SMYD3: variants seen among roughly 807,000 people sequenced by gnomAD.
SMYD3 encodes the protein SET and MYND domain containing 3, also known as histone-lysine N-methyltransferase SMYD3.
SMYD3 carries 36 observed loss-of-function variants against 57.7 expected under a neutral mutation model. The observed-to-expected ratio is 0.62, with a 90% CI of 0.48 to 0.82. The LOEUF (loss-of-function observed/expected upper bound fraction) is 0.82, where lower values mean the gene tolerates loss of function less well. Ranked by LOEUF, SMYD3 falls within the 40% of genes least tolerant of loss-of-function variation. The pLI is 0.00. For missense variants in SMYD3, 515 were observed against 538.8 expected (o/e 0.96, Z 0.44); for synonymous variants, 211 against 195.0 (o/e 1.08, Z -0.68).
chr1:246,062,924 T>C (rs866263792), intron 5 of SMYD3, among the ~76,000 whole-genome samples: 2 of 152,168 alleles, frequency 1.3e-5, no homozygotes. Context: ...GCAATATAAG[T>C]GACTACCTTG....
In SMYD3 at chr1:246,128,159, T is replaced by C. The variant is rs1024944814; in HGVS notation, c.532-198222A>G. The stretch of plus-strand genomic sequence containing the variant: ...ATACCTCCAAGTCACTGTTGAAATG[T>C]TGTCTTCTCCACGAGGCCTAATGTG... On this transcript the variant is annotated intron_variant, in intron 5 of 11. Coordinates refer to ENST00000490107, the MANE Select transcript of SMYD3 (RefSeq NM_001167740.2). Among the ~76,000 whole-genome samples the C allele has an allele frequency of 1.9e-4, 29 of 152,176 alleles. 1 individual carries two copies. Among genetic ancestry groups the C allele is most frequent in the African/African-American group, 7.0e-4 (29 of 41,446 alleles).
chr1:246,421,090 A>C (rs1217131544), intron 1 of SMYD3, among the ~76,000 whole-genome samples: 1 of 152,212 alleles, frequency 6.6e-6, no homozygotes, highest in Non-Finnish European at 1.5e-5. Context: ...CACTGTTTGC[A>C]TCATTAACTG....
At chr1:245,997,053 G>T (rs1278840822) in intron 5 of SMYD3, among the ~76,000 whole-genome samples, 3 of 152,216 alleles carry the variant, frequency 2.0e-5, no homozygotes, top group Non-Finnish European at 2.9e-5. Flanking sequence ...TTTTCCGCAG[G>T]TGCCTCGCAG....
chr1:246,231,505 A>T (rs972035228), intron 5 of SMYD3, among the ~76,000 whole-genome samples: 1 of 152,244 alleles, frequency 6.6e-6, no homozygotes, highest in Non-Finnish European at 1.5e-5. Context: ...TATAAACTAC[A>T]TATTAAAAAT....
chr1:246,481,699 CAT>C (rs1459793334), intron 1 of SMYD3, among the ~76,000 whole-genome samples: 10 of 139,104 alleles, frequency 7.2e-5, no homozygotes, highest in Non-Finnish European at 1.5e-4. Flanking sequence ...TATATATGAT[CAT>C]ATATGATTAT....
chr1:246,105,406 A>G (rs1490345183), intron 5 of SMYD3, among the ~76,000 whole-genome samples: 1 of 152,202 alleles, frequency 6.6e-6, no homozygotes, highest in African/African-American at 2.4e-5. Flanking sequence ...ACAATGATCA[A>G]TGTTATTGTA....
intron 5 of SMYD3, among the ~76,000 whole-genome samples, chr1:246,257,664 T>C (rs938811145): frequency 2.6e-5 from 4 of 152,204 alleles, no homozygotes; most frequent in Admixed American, 2.6e-4. Flanking sequence ...TATCATGAAA[T>C]TGTTAGCTGG....
chr1:246,376,601 A>C (rs2066282576), intron 1 of SMYD3, among the ~76,000 whole-genome samples: 1 of 151,144 alleles, frequency 6.6e-6, no homozygotes, highest in Admixed American at 6.6e-5. Context: ...AAAAAAAAAA[A>C]AAAAAAAAAC....
chr1:246,040,070 C>G (rs1437048355), intron 5 of SMYD3, among the ~76,000 whole-genome samples: 1 of 152,224 alleles, frequency 6.6e-6, no homozygotes, highest in Non-Finnish European at 1.5e-5. Context: ...TAGTATTAAA[C>G]TGTATTTATT....
chr1:246,068,202 A>C (rs1051341524), intron 5 of SMYD3, among the ~76,000 whole-genome samples: 1 of 151,928 alleles, frequency 6.6e-6, no homozygotes, highest in African/African-American at 2.4e-5. Context: ...TGAAAAAATC[A>C]GTTCCAGATG....
At chr1:245,830,003 T>C (rs565497217) in intron 10 of SMYD3, among the ~76,000 whole-genome samples, 340 of 152,148 alleles carry the variant, frequency 2.2e-3, no homozygotes, top group Non-Finnish European at 3.9e-3. Context: ...GGGGTTTCTT[T>C]GGGGGTGATA....
intron 1 of SMYD3, among the ~76,000 whole-genome samples, chr1:246,460,719 AT>A (rs1189473991): frequency 6.6e-6 from 1 of 152,330 alleles, no homozygotes; most frequent in East Asian, 1.9e-4. Flanking sequence ...GTTTATGTTG[AT>A]TTCATAAGTA....
chr1:246,303,628 A>C (rs1558389127), intron 5 of SMYD3, among the ~76,000 whole-genome samples: 1 of 152,212 alleles, frequency 6.6e-6, no homozygotes, highest in Non-Finnish European at 1.5e-5. Context: ...AAGAACCCAA[A>C]GATACAGATG....
intron 5 of SMYD3, among the ~76,000 whole-genome samples, chr1:246,063,608 C>A (rs1467133657): frequency 6.7e-6 from 1 of 148,548 alleles, no homozygotes; most frequent in Non-Finnish European, 1.5e-5. Flanking sequence ...CCTCCTCTCC[C>A]CTCCCTCTCC....
intron 5 of SMYD3, among the ~76,000 whole-genome samples, chr1:246,204,504 T>G (rs199827382): frequency 6.6e-6 from 1 of 152,172 alleles, no homozygotes; most frequent in East Asian, 1.9e-4. Context: ...AACTCTTTCT[T>G]TAGAACAACC....
chr1:245,932,028 CAG>C (rs1272110148), intron 5 of SMYD3, among the ~76,000 whole-genome samples: 4 of 152,204 alleles, frequency 2.6e-5, no homozygotes, highest in African/African-American at 7.2e-5. Context: ...AAATATAAGA[CAG>C]AAAGTCCTAC....
intron 5 of SMYD3, among the ~76,000 whole-genome samples, chr1:246,070,525 A>C (rs2060424514): frequency 1.3e-5 from 2 of 152,214 alleles, no homozygotes; most frequent in South Asian, 4.1e-4. Context: ...GGGTACTACA[A>C]CACCATAAGA....
chr1:245,938,829 A>G (rs1019974198), intron 5 of SMYD3, among the ~76,000 whole-genome samples: 3 of 152,174 alleles, frequency 2.0e-5, no homozygotes, highest in Non-Finnish European at 4.4e-5. Flanking sequence ...GTAAGTAGCT[A>G]AAACACCAGC....
intron 7 of SMYD3, among the ~76,000 whole-genome samples, chr1:245,918,725 A>G (rs2055636394): frequency 6.6e-6 from 1 of 152,222 alleles, no homozygotes; most frequent in African/African-American, 2.4e-5. Context: ...TGTGGGTCCC[A>G]GTTTCCTTAC....
Sources: gnomAD v4.1 joint callset for allele counts (sites outside exome capture counted in the v4.1 genomes callset) on GRCh38, gnomAD v4.1.1 for gene constraint, MANE v1.5 for transcripts, NCBI Gene and HGNC (gene_info 2026-07-23, HGNC 2026-07-21) for gene names.